Variants in COG5 observed in about 807,000 individuals in gnomAD.
The protein encoded by COG5 is component of oligomeric golgi complex 5.
A neutral mutation model predicts 110.4 loss-of-function variants in COG5; 86 were observed. The ratio of observed to expected loss-of-function variants is 0.78; its 90% CI spans 0.65 to 0.93. COG5 has a LOEUF of 0.93. COG5 is among the 40% of genes least tolerant of loss of function. The probability of loss-of-function intolerance (pLI) is 0.00; values close to 1 mark genes in which losing one functional copy is unlikely to be tolerated. For missense variants in COG5, 1,077 were observed against 987.0 expected (o/e 1.09, Z -1.22); for synonymous variants, 360 against 334.6 (o/e 1.08, Z -0.83).
At chr7:107,515,226 A>T (rs1407887871) in intron 6 of COG5, among the ~76,000 whole-genome samples, 1 of 152,192 alleles carries the variant, frequency 6.6e-6, no homozygotes, top group Non-Finnish European at 1.5e-5. Context: ...TAGATTAGAT[A>T]ATACTAAATA....
chr7:107,351,267 T>C (rs1359526680), intron 10 of COG5, among the ~76,000 whole-genome samples: 2 of 152,300 alleles, frequency 1.3e-5, no homozygotes, highest in East Asian at 3.9e-4. Flanking sequence ...TGTAGAAAGA[T>C]GAAACTGGAT....
chr7:107,248,200 G>C (rs573504518), intron 17 of COG5, among the ~76,000 whole-genome samples, 196 bp downstream of exon 17: 2 of 152,092 alleles, frequency 1.3e-5, no homozygotes, highest in Non-Finnish European at 2.9e-5. Context: ...AAAGAGAAGT[G>C]ATGAAAACGA....
At chr7:107,525,725 T>C (rs1800683279) in intron 6 of COG5, among the ~76,000 whole-genome samples, 1 of 152,106 alleles carries the variant, frequency 6.6e-6, no homozygotes, top group Admixed American at 6.6e-5. Context: ...ACTTTTATTT[T>C]GTTTTAATTT....
intron 14 of COG5, among the ~76,000 whole-genome samples, chr7:107,280,464 T>A (rs1805076857): frequency 6.6e-6 from 1 of 152,050 alleles, no homozygotes; most frequent in Non-Finnish European, 1.5e-5. Flanking sequence ...TGGATATAGA[T>A]AAAAGTAGAT....
chr7:107,532,060 CT>C (rs898449313), intron 5 of COG5, among the ~76,000 whole-genome samples: 1 of 152,012 alleles, frequency 6.6e-6, no homozygotes, highest in Non-Finnish European at 1.5e-5. Flanking sequence ...AACAGCATTA[CT>C]TTTTTTCTTT....
At chr7:107,425,756 CAAT>C (rs1461116309) in intron 6 of COG5, among the ~76,000 whole-genome samples, 4 of 151,996 alleles carry the variant, frequency 2.6e-5, no homozygotes, top group African/African-American at 9.7e-5. Context: ...TCAGAAATAA[CAAT>C]AATAATAAAC....
intron 12 of COG5, among the ~76,000 whole-genome samples, chr7:107,291,609 T>C (rs1806180737): frequency 6.6e-6 from 1 of 152,074 alleles, no homozygotes; most frequent in African/African-American, 2.4e-5. Flanking sequence ...ATCTTCCTCA[T>C]TTTTTTTCTG....
chr7:107,459,172 A>C (rs1795842130), intron 6 of COG5, among the ~76,000 whole-genome samples: 1 of 152,104 alleles, frequency 6.6e-6, no homozygotes, highest in Admixed American at 6.6e-5. Flanking sequence ...TTGGATTTAA[A>C]AAGCAAAAAC....
intron 6 of COG5, among the ~76,000 whole-genome samples, chr7:107,439,865 A>T (rs188342318): frequency 6.6e-6 from 1 of 152,174 alleles, no homozygotes; most frequent in African/African-American, 2.4e-5. Context: ...GGAGAGAAGG[A>T]CTCTAAGTTT....
chr7:107,389,601 C>T lies in COG5; in HGVS notation c.670-16841G>A, dbSNP rs149329928. ...TTCACTTTAGCTGGGAGGTCTGTCACAGGGGACAAGCCCGTGGCCTCCAGT... is the reference window on the plus strand; with the variant it reads ...TTCACTTTAGCTGGGAGGTCTGTCATAGGGGACAAGCCCGTGGCCTCCAGT... On this transcript the variant is annotated intron_variant, in intron 7 of 21. Coordinates refer to ENST00000297135, the MANE Select transcript of COG5 (RefSeq NM_006348.5). 9.3e-3 allele frequency among the ~76,000 whole-genome samples: 1,422 copies of T among 152,316 alleles called. 25 individuals are homozygous for T. The highest frequency in any genetic ancestry group is 0.032 in the African/African-American group (1,324 of 41,568).
Position 107,535,507 on chromosome 7 carries a change from C to A in COG5, c.418-8150G>T, listed in dbSNP as rs536957090. Among the ~76,000 whole-genome samples the A allele has an allele frequency of 2.7e-5, 4 of 149,010 alleles. No individual in the cohort carries two copies. In the South Asian group the frequency reaches 8.3e-4, roughly 31 times the overall value. ...ACCACTGATCCCACAGAAATACAAACTACCATCACAGAATACCATAAACAC... is the reference window on the plus strand; with the variant it reads ...ACCACTGATCCCACAGAAATACAAAATACCATCACAGAATACCATAAACAC... On this transcript the variant is annotated intron_variant, in intron 5 of 21. Transcript: ENST00000297135.
chr7:107,527,855 C>T (rs2129157357), intron 5 of COG5, among the ~76,000 whole-genome samples: 1 of 152,252 alleles, frequency 6.6e-6, no homozygotes, highest in East Asian at 1.9e-4. Flanking sequence ...TTCCAATGCC[C>T]AGGCCACAGC....
chr7:107,287,949 G>C (rs1477515332), intron 12 of COG5, among the ~76,000 whole-genome samples: 1 of 152,052 alleles, frequency 6.6e-6, no homozygotes, highest in African/African-American at 2.4e-5. Flanking sequence ...CCATCTTTTG[G>C]CTATCAGGAA....
At chr7:107,395,838 A>G (rs1456689954) in intron 7 of COG5, among the ~76,000 whole-genome samples, 1 of 152,116 alleles carries the variant, frequency 6.6e-6, no homozygotes, top group East Asian at 1.9e-4. Flanking sequence ...TACAGGCGTG[A>G]GCCACTGCGC....
At chr7:107,476,650 C>T (rs1397759281) in intron 6 of COG5, among the ~76,000 whole-genome samples, 1 of 151,502 alleles carries the variant, frequency 6.6e-6, no homozygotes, top group Non-Finnish European at 1.5e-5. Context: ...AATAATCTAT[C>T]GATAAGTGTC....
chr7:107,307,380 C>T (rs1398723136), intron 11 of COG5, among the ~76,000 whole-genome samples: 1 of 152,144 alleles, frequency 6.6e-6, no homozygotes, highest in Non-Finnish European at 1.5e-5. Context: ...GCCTTAAGTG[C>T]TTTCCTTAAA....
At chr7:107,513,367 A>G (rs996517304) in intron 6 of COG5, among the ~76,000 whole-genome samples, 4 of 152,024 alleles carry the variant, frequency 2.6e-5, no homozygotes, top group Non-Finnish European at 5.9e-5. Flanking sequence ...CACACCAGTT[A>G]GAATGGCGAT....
chr7:107,257,055 T>C lies in COG5; in HGVS notation c.1687-261A>G, dbSNP rs2395868. 0.2 allele frequency among the ~76,000 whole-genome samples: 30,646 copies of C among 152,100 alleles called. 3,478 individuals are homozygous for C. The highest frequency in any genetic ancestry group is 0.31 in the East Asian group (1,631 of 5,178). On this transcript the variant is annotated intron_variant, in intron 15 of 21. Coordinates refer to ENST00000297135, the MANE Select transcript of COG5 (RefSeq NM_006348.5). Reference sequence around the variant, plus strand: ...CTAGGTTTCCTTTATTCATGTTACATAGGTTTTAATTATAAAGTTTTAACT... The same window carrying C: ...CTAGGTTTCCTTTATTCATGTTACACAGGTTTTAATTATAAAGTTTTAACT...
At chr7:107,209,152 A>G in intron 21 of COG5, 1 of 985,518 alleles carries the variant, frequency 1.0e-6, no homozygotes, top group Non-Finnish European at 1.2e-6. Flanking sequence ...CAGGCTAACA[A>G]AGGATCACTG....
Sources: allele counts gnomAD v4.1 joint callset (sites outside exome capture counted in the v4.1 genomes callset), GRCh38; gene constraint gnomAD v4.1.1; transcripts MANE v1.5; gene names NCBI Gene and HGNC (gene_info 2026-07-23, HGNC 2026-07-21).